Variants in PRKAR1A observed in about 807,000 individuals in gnomAD.
PRKAR1A encodes the protein cAMP-dependent protein kinase type I-alpha regulatory subunit.
In PRKAR1A, 3 loss-of-function variants were observed where a neutral mutation model predicts 52.0. That is an observed-to-expected ratio of 0.06 (90% confidence interval 0.03 to 0.15). PRKAR1A has a LOEUF of 0.15. PRKAR1A is among the 10% of genes least tolerant of loss of function. The pLI is 1.00. For synonymous variants in PRKAR1A, 188 were observed against 168.4 expected, an observed-to-expected ratio of 1.12 and a Z score of -0.90; for missense variants, 240 against 477.4, an observed-to-expected ratio of 0.50 and a Z score of 4.63.
chr17:68,517,671 A>G (rs2085476118), intron 2 of PRKAR1A, among the ~76,000 whole-genome samples: 1 of 152,186 alleles, frequency 6.6e-6, no homozygotes, highest in African/African-American at 2.4e-5. Context: ...GCAATTCAAG[A>G]TGAGATTTGG....
At position 68,515,848 on chromosome 17, in the gene PRKAR1A, C is replaced by A. The variant is rs553829172; in HGVS notation, c.177+272C>A. The A allele has an allele frequency of 7.7e-5, 34 of 443,790 alleles. No homozygotes were observed. The East Asian group carries it at 1.5e-3, about 20-fold the overall frequency. 27.5% of individuals were successfully genotyped at this position (443,790 alleles called of 1,614,324 possible). A position where few individuals can be genotyped will look rare whatever the true frequency, so the allele number is the denominator to read the frequency against. On this transcript the variant is annotated intron_variant, in intron 2 of 10. Transcript: ENST00000589228. ...TTCTTTGTAACTTTTTAAATTAGTG[C>A]GTAGAACTATAACAGATAAAACTGA...
chr17:68,460,115 G>A, the PRKAR1A span, among the ~76,000 whole-genome samples: 2 of 152,120 alleles, frequency 1.3e-5, no homozygotes, highest in Non-Finnish European at 2.9e-5. Context: ...CACCACGCCT[G>A]GCCTCAGATT....
the PRKAR1A span, chr17:68,433,388 G>T: frequency 1.6e-6 from 2 of 1,265,344 alleles, no homozygotes; most frequent in East Asian, 2.3e-5. Context: ...AGAAAGAAAA[G>T]AGATCATTCA....
the PRKAR1A span, among the ~76,000 whole-genome samples, chr17:68,416,552 C>A: frequency 6.6e-6 from 1 of 152,266 alleles, no homozygotes; most frequent in East Asian, 1.9e-4. Context: ...ATTATTCCCC[C>A]AAATATGTTT....
the PRKAR1A span, chr17:68,452,918 T>A: frequency 3.7e-6 from 6 of 1,613,900 alleles, no homozygotes; most frequent in South Asian, 6.6e-5. Flanking sequence ...ACTGCTTCCG[T>A]GGACTTGATC....
intron 1 of PRKAR1A, chr17:68,513,106 C>G (rs1350849271): frequency 1.5e-5 from 2 of 134,164 alleles, no homozygotes; most frequent in Middle Eastern, 3.7e-3. Context: ...TGTCCCCTTT[C>G]ACCTCTCTCC....
chr17:68,510,003 G>A (rs1285440704), upstream of PRKAR1A, among the ~76,000 whole-genome samples: 2 of 152,158 alleles, frequency 1.3e-5, no homozygotes, highest in African/African-American at 2.4e-5. Flanking sequence ...TGTCTTAACT[G>A]CACTTGGAAG....
chr17:68,543,676 A>G, intron 11 of PRKAR1A: 1 of 1,614,168 alleles, frequency 6.2e-7, no homozygotes, highest in East Asian at 2.2e-5. Context: ...TCTGAAAGTC[A>G]ATGAAGTAGA....
chr17:68,462,565 G>A, the PRKAR1A span, among the ~76,000 whole-genome samples: 1 of 152,170 alleles, frequency 6.6e-6, no homozygotes, highest in Non-Finnish European at 1.5e-5. Context: ...CATCTATCTG[G>A]TCTAGGAATG....
chr17:68,531,155 T>G lies in PRKAR1A; in HGVS notation c.*706T>G, dbSNP rs1008519605. The G allele has an allele frequency of 9.4e-7, 1 of 1,066,220 alleles. No homozygotes were observed. Among genetic ancestry groups the G allele is most frequent in the Non-Finnish European group, 1.1e-6 (1 of 879,436 alleles). 66.0% of individuals were successfully genotyped at this position (1,066,220 alleles called of 1,614,324 possible). On this transcript the variant is annotated 3_prime_UTR_variant, in exon 11 of 11. Transcript: ENST00000589228. Reference sequence around the variant, plus strand: ...GCTATCTATACCTGCCTTTTAAGTTTGAAACTAACTCATAGATTGCAAATA... The same window carrying G: ...GCTATCTATACCTGCCTTTTAAGTTGGAAACTAACTCATAGATTGCAAATA...
chr17:68,436,460 G>T, the PRKAR1A span: 2 of 1,613,960 alleles, frequency 1.2e-6, no homozygotes, highest in Non-Finnish European at 8.5e-7. Flanking sequence ...TGGAATGGTT[G>T]ATAGAGAGAG....
rs550349133 is a variant in PRKAR1A, at chr17:68,550,288, G to T, written c.974-796G>T. ...TATAAATATAAGCAGACATTCAATT[G>T]TCTCATGTACATTTCTGGAGAATTT... On this transcript the variant is annotated intron_variant, in intron 11 of 11. Coordinates refer to the PRKAR1A transcript ENST00000585981. Among the ~76,000 whole-genome samples, 4 of 147,036 alleles carry T rather than the reference G, an allele frequency of 2.7e-5. No individual in the cohort carries two copies. In the South Asian group the frequency reaches 8.8e-4, roughly 32 times the overall value.
the PRKAR1A span, among the ~76,000 whole-genome samples, chr17:68,445,969 C>A: frequency 1.3e-5 from 2 of 152,176 alleles, no homozygotes; most frequent in African/African-American, 4.8e-5. Flanking sequence ...GCGATGCACA[C>A]TGAGGCTCAA....
rs1483472070 is a variant in PRKAR1A at position 68,530,419 on chromosome 17, G to A, written c.1116G>A (p.Gln372=). 1.2e-6 allele frequency: 2 copies of A among 1,614,100 alleles called. No homozygotes were observed. The highest frequency in any genetic ancestry group is 1.7e-6 in the Non-Finnish European group (2 of 1,179,972). ...ACATCCTCAAACGAAACATCCAGCAGTACAACAGTTTTGTGTCACTGTCTG... is the reference window on the plus strand; with the variant it reads ...ACATCCTCAAACGAAACATCCAGCAATACAACAGTTTTGTGTCACTGTCTG... ...CSDILKRNIQ[Q]YNSFVSLSV Residue 372 remains glutamine, a synonymous_variant, in exon 11 of 11, where the codon CAG becomes CAA. Coordinates refer to ENST00000589228, the MANE Select transcript of PRKAR1A (RefSeq NM_002734.5).
the PRKAR1A span, among the ~76,000 whole-genome samples, chr17:68,471,038 A>G: frequency 6.6e-6 from 1 of 152,244 alleles, no homozygotes; most frequent in Non-Finnish European, 1.5e-5. Context: ...GTATAAATGA[A>G]TAAAAAAACT....
At chr17:68,428,883 A>G in the PRKAR1A span, 1 of 1,614,208 alleles carries the variant, frequency 6.2e-7, no homozygotes, top group African/African-American at 1.3e-5. Flanking sequence ...CAAATTGTAC[A>G]TATAAAGGTG....
At chr17:68,524,293 G>A (rs1050813967) in intron 5 of PRKAR1A, among the ~76,000 whole-genome samples, 1 of 151,894 alleles carries the variant, frequency 6.6e-6, no homozygotes, top group African/African-American at 2.4e-5. Context: ...ATACAGTTTT[G>A]TTTATAATTT....
chr17:68,536,420 G>T, downstream of PRKAR1A: 1 of 454,132 alleles, frequency 2.2e-6, no homozygotes, highest in African/African-American at 2.0e-5. Context: ...AGGAGTTTCA[G>T]ATATCAACAA....
intron 6 of PRKAR1A, among the ~76,000 whole-genome samples, chr17:68,525,460 G>C (rs1471166652): frequency 6.6e-6 from 1 of 152,132 alleles, no homozygotes; most frequent in Non-Finnish European, 1.5e-5. Flanking sequence ...TGCTCAGCAC[G>C]GTTCTCTAAG....
Sources: allele counts gnomAD v4.1 joint callset (sites outside exome capture counted in the v4.1 genomes callset), GRCh38; gene constraint gnomAD v4.1.1; transcripts MANE v1.5; gene names NCBI Gene and HGNC (gene_info 2026-07-23, HGNC 2026-07-21).